ADAM10: variants seen among roughly 807,000 people sequenced by gnomAD.
ADAM10 encodes the protein ADAM metallopeptidase domain 10.
ADAM10 carries 17 observed loss-of-function variants against 90.1 expected under a neutral mutation model. The ratio of observed to expected loss-of-function variants is 0.19; its 90% CI spans 0.13 to 0.28. ADAM10 has a LOEUF of 0.28. Among genes scored for constraint, ADAM10 ranks in the 10% least tolerant of loss-of-function variants. The pLI, the probability that ADAM10 is intolerant of heterozygous loss-of-function variation, is 1.00. For synonymous variants in ADAM10, 310 were observed against 298.6 expected, an observed-to-expected ratio of 1.04 and a Z score of -0.40; for missense variants, 610 against 914.3, an observed-to-expected ratio of 0.67 and a Z score of 4.29.
At chr15:58,635,580 C>G (rs897683861) in intron 8 of ADAM10, among the ~76,000 whole-genome samples, 2 of 151,836 alleles carry the variant, frequency 1.3e-5, no homozygotes, top group African/African-American at 4.8e-5. Flanking sequence ...GGAGCTCAGT[C>G]CTGAGAAGCA....
chr15:58,687,612 T>C (rs2140764208), intron 2 of ADAM10, among the ~76,000 whole-genome samples: 1 of 150,660 alleles, frequency 6.6e-6, no homozygotes, highest in East Asian at 1.9e-4. Flanking sequence ...AGGGTCAAGC[T>C]GATCCACAAG....
intron 8 of ADAM10, 131 bp downstream of exon 8, chr15:58,640,646 T>C: frequency 2.3e-6 from 2 of 886,740 alleles, no homozygotes; most frequent in East Asian, 2.7e-5. Flanking sequence ...GAGTCTTGCC[T>C]AACTCAAGTA....
chr15:58,676,008 A>C (rs1223599427), intron 4 of ADAM10: 1 of 180,580 alleles, frequency 5.5e-6, no homozygotes, highest in African/African-American at 2.4e-5. Context: ...TAAACCAATT[A>C]TATAAAAATA....
intron 8 of ADAM10, among the ~76,000 whole-genome samples, chr15:58,634,797 C>T (rs1383504659): frequency 2.6e-5 from 4 of 152,136 alleles, no homozygotes; most frequent in African/African-American, 4.8e-5. Context: ...AGACAAGTTA[C>T]AACAAAGTTA....
chr15:58,600,503 C>A (rs1490576112), intron 14 of ADAM10, among the ~76,000 whole-genome samples: 2 of 152,020 alleles, frequency 1.3e-5, no homozygotes, highest in East Asian at 3.9e-4. Context: ...TATATAATAT[C>A]TTTATTGTAT....
intron 11 of ADAM10, 37 bp from the exon 12 acceptor site, chr15:58,612,028 A>T: frequency 6.3e-7 from 1 of 1,580,878 alleles, no homozygotes; most frequent in South Asian, 1.1e-5. Context: ...AAAGTAAATC[A>T]CTAGTTATTC....
chr15:58,721,640 T>C (rs182185258), intron 1 of ADAM10, among the ~76,000 whole-genome samples: 164 of 152,170 alleles, frequency 1.1e-3, no homozygotes, highest in Middle Eastern at 3.4e-3. Context: ...ATCCCAATAC[T>C]TTGAGAGGCC....
At chr15:58,718,856 C>G (rs1898751072) in intron 1 of ADAM10, among the ~76,000 whole-genome samples, 1 of 152,122 alleles carries the variant, frequency 6.6e-6, no homozygotes, top group African/African-American at 2.4e-5. Context: ...TTGGTCTCCC[C>G]TGACCCTCAG....
intron 1 of ADAM10, among the ~76,000 whole-genome samples, chr15:58,743,313 G>A (rs1316525278): frequency 3.3e-5 from 5 of 152,060 alleles, no homozygotes; most frequent in African/African-American, 9.7e-5. Context: ...GGCAGCAGTG[G>A]CCAATGACTG....
intron 1 of ADAM10, among the ~76,000 whole-genome samples, chr15:58,721,453 T>C (rs1458978235): frequency 6.6e-6 from 1 of 152,238 alleles, no homozygotes; most frequent in Non-Finnish European, 1.5e-5. Flanking sequence ...TATATTAAGA[T>C]AATGTATGAA....
chr15:58,722,594 C>A (rs1898891203), intron 1 of ADAM10, among the ~76,000 whole-genome samples: 1 of 151,198 alleles, frequency 6.6e-6, no homozygotes, highest in South Asian at 2.1e-4. Context: ...TTGGCTGATA[C>A]ATGCTCATGA....
chr15:58,734,051 A>G (rs1899348986), intron 1 of ADAM10, among the ~76,000 whole-genome samples: 1 of 152,134 alleles, frequency 6.6e-6, no homozygotes, highest in Non-Finnish European at 1.5e-5. Flanking sequence ...TCACATATTT[A>G]AAGGGGAAAA....
intron 1 of ADAM10, among the ~76,000 whole-genome samples, chr15:58,727,436 C>A (rs1192736481): frequency 1.3e-5 from 2 of 152,088 alleles, no homozygotes; most frequent in African/African-American, 2.4e-5. Flanking sequence ...AGTGATCTAA[C>A]CACCTCGGCC....
intron 9 of ADAM10, among the ~76,000 whole-genome samples, chr15:58,630,638 T>A (rs1178001339): frequency 3.3e-5 from 5 of 152,118 alleles, no homozygotes; most frequent in African/African-American, 1.2e-4. Flanking sequence ...ATAAAGCAGT[T>A]TATAATAGGT....
chr15:58,654,774 T>C (rs1427501462), intron 5 of ADAM10, among the ~76,000 whole-genome samples: 4 of 152,232 alleles, frequency 2.6e-5, no homozygotes, highest in African/African-American at 7.2e-5. Flanking sequence ...GAGCATATTG[T>C]TTACTTTCCA....
rs556018816 is a variant in ADAM10 at position 58,634,281 on chromosome 15, G to A, written c.1013-922C>T. Among the ~76,000 whole-genome samples, 8 of 149,262 alleles carry A rather than the reference G, an allele frequency of 5.4e-5. 1 individual carries two copies. In the Middle Eastern group the frequency reaches 0.014, roughly 256 times the overall value. On this transcript the variant is annotated intron_variant, in intron 8 of 15. Transcript: ENST00000260408. ...TGTGCCACTGCACTCCAGCCTGGGCGACACAGTGACACTCTGTCTAAAAAA... is the reference window on the plus strand; with the variant it reads ...TGTGCCACTGCACTCCAGCCTGGGCAACACAGTGACACTCTGTCTAAAAAA...
chr15:58,686,624 T>C, intron 2 of ADAM10: 1 of 878,816 alleles, frequency 1.1e-6, no homozygotes, highest in Non-Finnish European at 1.9e-6. Context: ...CTGAAGACTC[T>C]AAGAGAGAAG....
chr15:58,686,589 G>T, intron 2 of ADAM10: 1 of 1,118,604 alleles, frequency 8.9e-7, no homozygotes, highest in East Asian at 2.4e-5. Flanking sequence ...AACCCCTTCT[G>T]GGAACCCAGA....
intron 1 of ADAM10, among the ~76,000 whole-genome samples, chr15:58,731,178 A>G (rs1320184271): frequency 6.6e-6 from 1 of 152,198 alleles, no homozygotes; most frequent in Non-Finnish European, 1.5e-5. Flanking sequence ...CCAACTGTGG[A>G]TTCAAAATAC....
Sources: gnomAD v4.1 joint callset for allele counts (sites outside exome capture counted in the v4.1 genomes callset) on GRCh38, gnomAD v4.1.1 for gene constraint, MANE v1.5 for transcripts, NCBI Gene and HGNC (gene_info 2026-07-23, HGNC 2026-07-21) for gene names.